Variants in GATA3 observed in about 807,000 individuals in gnomAD.
GATA3 encodes trans-acting T-cell-specific transcription factor GATA-3.
Under a neutral mutation model 36.0 loss-of-function variants are expected in GATA3, and 6 were observed. The ratio of observed to expected loss-of-function variants is 0.17; its 90% CI spans 0.09 to 0.33. The LOEUF is 0.33. Among genes scored for constraint, GATA3 ranks in the 10% least tolerant of loss-of-function variants. GATA3 has a pLI of 1.00. For synonymous variants in GATA3, 326 were observed against 273.0 expected (o/e 1.19, Z -1.92); for missense variants, 514 against 610.1 (o/e 0.84, Z 1.66).
At position 8,055,632 on chromosome 10, in the gene GATA3, G is replaced by A; in HGVS notation, c.-24G>A. 6.5e-6 allele frequency: 10 copies of A among 1,546,716 alleles called. No individual in the cohort carries two copies. Among genetic ancestry groups the A allele is most frequent in the Non-Finnish European group, 7.8e-6 (9 of 1,147,480 alleles). On this transcript the variant is annotated 5_prime_UTR_variant, in exon 2 of 6. Transcript: ENST00000379328. This position sits in a 1 kb window ranked among gnomAD's most constrained non-coding sequence, Gnocchi z 5.4. ...CGCGCGCGGGTTCCGGGCCCGGCGAGAGGGCGCGAGCACAGCCGAGGCCAT... is the reference window on the plus strand; with the variant it reads ...CGCGCGCGGGTTCCGGGCCCGGCGAAAGGGCGCGAGCACAGCCGAGGCCAT...
chr10:8,071,437 G>GT (rs1316770444), intron 5 of GATA3, among the ~76,000 whole-genome samples: 2 of 152,112 alleles, frequency 1.3e-5, no homozygotes, highest in Non-Finnish European at 2.9e-5. Context: ...CTAGCTATAT[G>GT]TTTTTTTGAA....
intron 2 of GATA3, 147 bp from the exon 3 acceptor site, chr10:8,058,158 C>T (rs1290195046): frequency 1.2e-6 from 1 of 801,636 alleles, no homozygotes; most frequent in South Asian, 1.7e-5. Flanking sequence ...CTCCGGGGAC[C>T]GCCAGGATGA....
Position 8,069,549 on chromosome 10 carries a change from A to C in GATA3, c.1001A>C (p.Asn334Thr). The change falls in exon 5 of 6, where the codon AAT becomes ACT. Residue 334 changes from asparagine to threonine, a missense_variant. Transcript: ENST00000379328. Reference sequence around the variant, plus strand: ...ACCACACTCTGGAGGAGGAATGCCAATGGGGACCCTGTCTGCAATGCCTGT... The same window carrying C: ...ACCACACTCTGGAGGAGGAATGCCACTGGGGACCCTGTCTGCAATGCCTGT... Reference protein sequence around the residue: ...TTTTLWRRNANGDPVCNACGL... With the variant: ...TTTTLWRRNATGDPVCNACGL... 1.2e-6 allele frequency: 2 copies of C among 1,614,024 alleles called. No homozygotes were observed. Among genetic ancestry groups the C allele is most frequent in the Non-Finnish European group, 1.7e-6 (2 of 1,179,964 alleles).
At chr10:8,070,806 G>A (rs868162600) in intron 5 of GATA3, among the ~76,000 whole-genome samples, 4 of 152,132 alleles carry the variant, frequency 2.6e-5, no homozygotes, top group Admixed American at 6.5e-5. Flanking sequence ...CAACTCTCTC[G>A]CTGTGGCCCT....
intron 5 of GATA3, 113 bp downstream of exon 5, chr10:8,069,711 T>C: frequency 7.9e-7 from 1 of 1,271,364 alleles, no homozygotes; most frequent in East Asian, 2.5e-5. Context: ...AGATGACAGG[T>C]TCCAAATAAT....
intron 5 of GATA3, among the ~76,000 whole-genome samples, chr10:8,071,837 C>T (rs530243144): frequency 4.1e-4 from 62 of 152,240 alleles, no homozygotes; most frequent in Non-Finnish European, 7.9e-4. Context: ...CTGCCTACCT[C>T]GGTATCAGCA....
intron 4 of GATA3, among the ~76,000 whole-genome samples, chr10:8,066,450 C>CTT (rs774012162): frequency 9.5e-4 from 96 of 101,272 alleles, no homozygotes; most frequent in Middle Eastern, 5.3e-3. Flanking sequence ...TTCTTTCTTT[C>CTT]TTTTTTTTTT....
chr10:8,051,254 T>C (rs537641469), upstream of GATA3: 227 of 389,156 alleles, frequency 5.8e-4, no homozygotes, highest in Admixed American at 1.1e-3. Flanking sequence ...CTCACCTTTT[T>C]CCCAAGAGGA....
Position 8,058,799 on chromosome 10 carries a change from G to A in GATA3, c.736G>A (p.Gly246Ser), listed in dbSNP as rs766641914. The change falls in exon 3 of 6, where the codon GGC becomes AGC. Residue 246 changes from glycine (G) to serine (S), a missense_variant. Gly to Ser is a moderately conservative substitution (Grantham distance 56). This residue lies in a region of GATA3 where 381 missense variants were observed against 354.3 expected (regional missense o/e 1.08). Transcript: ENST00000379328. ...PSSLLGGSPT[G>S]FGCKSRPKAR... Reference sequence around the variant, plus strand: ...CAGCCTGCTGGGCGGCTCCCCCACCGGCTTCGGATGCAAGTCCAGGCCCAA... The same window carrying A: ...CAGCCTGCTGGGCGGCTCCCCCACCAGCTTCGGATGCAAGTCCAGGCCCAA... The A allele has an allele frequency of 2.1e-5, 33 of 1,607,330 alleles. No individual in the cohort carries two copies. In the South Asian group the frequency reaches 2.9e-4, roughly 14 times the overall value.
At position 8,058,737 on chromosome 10, in the gene GATA3, A is replaced by G. The variant is rs775955748; in HGVS notation, c.674A>G (p.Tyr225Cys). 3.7e-6 allele frequency: 6 copies of G among 1,611,736 alleles called. No individual in the cohort carries two copies. Among genetic ancestry groups the G allele is most frequent in the Non-Finnish European group, 5.1e-6 (6 of 1,179,756 alleles). Reference sequence around the variant, plus strand: ...CACCCCATCACCACCTACCCGCCCTACGTGCCCGAGTACAGCTCCGGACTC... The same window carrying G: ...CACCCCATCACCACCTACCCGCCCTGCGTGCCCGAGTACAGCTCCGGACTC... ...THHPITTYPP[Y>C]VPEYSSGLFP... Residue 225 changes from tyrosine (Y) to cysteine (C), a missense_variant, in exon 3 of 6, where the codon TAC (tyrosine) becomes TGC (cysteine). Tyr to Cys is a radical substitution (Grantham distance 194). Coordinates refer to ENST00000379328, the MANE Select transcript of GATA3 (RefSeq NM_001002295.2).
At chr10:8,071,380 T>C (rs1180677069) in intron 5 of GATA3, among the ~76,000 whole-genome samples, 1 of 152,202 alleles carries the variant, frequency 6.6e-6, no homozygotes, top group African/African-American at 2.4e-5. Context: ...TGTGTGTGTA[T>C]ATTTCATCCC....
chr10:8,055,642 G>A lies in GATA3; in HGVS notation c.-14G>A, dbSNP rs775667844. The A allele has an allele frequency of 5.2e-6, 8 of 1,550,748 alleles. No homozygotes were observed. In the East Asian group the frequency reaches 1.7e-4, roughly 33 times the overall value. On this transcript the variant is annotated 5_prime_UTR_variant, in exon 2 of 6. Transcript: ENST00000379328. The surrounding 1 kb of genome is among the most constrained non-coding windows in gnomAD (Gnocchi z 5.4). ...TTCCGGGCCCGGCGAGAGGGCGCGA[G>A]CACAGCCGAGGCCATGGAGGTGACG...
intron 4 of GATA3, among the ~76,000 whole-genome samples, chr10:8,067,835 T>C (rs942690829): frequency 2.6e-5 from 2 of 77,746 alleles, no homozygotes; most frequent in Non-Finnish European, 5.1e-5. Context: ...AAAGAAAACA[T>C]AACAAAACAA....
intron 5 of GATA3, among the ~76,000 whole-genome samples, chr10:8,070,353 A>G (rs1027956902): frequency 2.7e-5 from 4 of 150,928 alleles, no homozygotes; most frequent in Non-Finnish European, 4.4e-5. Flanking sequence ...ATTTTGTAAC[A>G]TATCTTAATC....
intron 5 of GATA3, among the ~76,000 whole-genome samples, chr10:8,071,191 A>G (rs774358486): frequency 6.6e-6 from 1 of 152,206 alleles, no homozygotes; most frequent in South Asian, 2.1e-4. Flanking sequence ...TGAGGGAGTT[A>G]TGACTCAGAA....
upstream of GATA3, chr10:8,053,749 T>A (rs1295261350): frequency 2.6e-5 from 4 of 152,216 alleles, no homozygotes; most frequent in African/African-American, 9.7e-5. This position sits in a 1 kb window ranked among gnomAD's most constrained non-coding sequence, Gnocchi z 5.1. Flanking sequence ...GCTGGTTTCC[T>A]TGACTGTGGG....
At chr10:8,059,489 T>C (rs900620416) in intron 3 of GATA3, among the ~76,000 whole-genome samples, 3 of 152,202 alleles carry the variant, frequency 2.0e-5, no homozygotes, top group Non-Finnish European at 1.5e-5. Context: ...AAATGTCGCC[T>C]GGCCCAGTTA....
At chr10:8,049,997 G>C (rs1235771050), upstream of GATA3, among the ~76,000 whole-genome samples, 3 of 152,152 alleles carry the variant, frequency 2.0e-5, no homozygotes, top group African/African-American at 7.2e-5. Context: ...GGTCCCGCGG[G>C]CGCCCGGCGT....
In GATA3 at chr10:8,062,387, A is replaced by G. The variant is rs11567916; in HGVS notation, c.779-1606A>G. Among the ~76,000 whole-genome samples, 177 of 150,110 alleles carry G rather than the reference A, an allele frequency of 1.2e-3. 1 individual carries two copies. The highest frequency in any genetic ancestry group is 4.1e-3 in the African/African-American group (168 of 40,838). ...TTTTTTTTTTTTTTTTAAAAAACAAAGTAGACAAAAACTAGTGGGCACCAT... is the reference window on the plus strand; with the variant it reads ...TTTTTTTTTTTTTTTTAAAAAACAAGGTAGACAAAAACTAGTGGGCACCAT... On this transcript the variant is annotated intron_variant, in intron 3 of 5. Transcript: ENST00000379328.
Sources: allele counts gnomAD v4.1 joint callset (sites outside exome capture counted in the v4.1 genomes callset), GRCh38; gene constraint gnomAD v4.1.1; regional missense constraint gnomAD v4.1.1; non-coding constraint Gnocchi (gnomAD v3.1); transcripts MANE v1.5; gene names NCBI Gene and HGNC (gene_info 2026-07-23, HGNC 2026-07-21).